The following NETO2 variants were observed in gnomAD, a reference collection of about 807,000 sequenced individuals.
NETO2 encodes the protein neuropilin and tolloid like 2.
A neutral mutation model predicts 62.5 loss-of-function variants in NETO2; 28 were observed. The ratio of observed to expected loss-of-function variants is 0.45; its 90% CI spans 0.33 to 0.61. The LOEUF (loss-of-function observed/expected upper bound fraction) is 0.61, where lower values mean the gene tolerates loss of function less well. Among genes scored for constraint, NETO2 ranks in the 20% least tolerant of loss-of-function variants. NETO2 has a pLI of 0.02. For missense variants in NETO2, 548 were observed against 643.2 expected, an observed-to-expected ratio of 0.85 and a Z score of 1.60; for synonymous variants, 214 against 219.1, an observed-to-expected ratio of 0.98 and a Z score of 0.21.
chr16:47,142,923 G>T (rs1964489340), intron 1 of NETO2, among the ~76,000 whole-genome samples: 1 of 152,048 alleles, frequency 6.6e-6, no homozygotes, highest in Non-Finnish European at 1.5e-5. Context: ...GGAGCGCGAG[G>T]AGCGCCGCGT....
At chr16:47,086,101 G>A (rs550386936) in intron 8 of NETO2, 125 bp downstream of exon 8, 16 of 703,628 alleles carry the variant, frequency 2.3e-5, no homozygotes, top group South Asian at 7.6e-5. Context: ...GCAGGACTCC[G>A]TCTCAAACAA....
At chr16:47,114,697 G>A (rs1463238500) in intron 6 of NETO2, among the ~76,000 whole-genome samples, 2 of 151,596 alleles carry the variant, frequency 1.3e-5, no homozygotes, top group Admixed American at 6.6e-5. Context: ...AGATCCGCCC[G>A]CCTCAGCCTC....
At chr16:47,132,288 A>C (rs1383522907) in intron 1 of NETO2, among the ~76,000 whole-genome samples, 1 of 151,942 alleles carries the variant, frequency 6.6e-6, no homozygotes, top group East Asian at 1.9e-4. Flanking sequence ...TTTTCAACTT[A>C]ATAGTTTTGT....
chr16:47,118,329 TG>T (rs1963964182), intron 6 of NETO2, among the ~76,000 whole-genome samples: 1 of 152,204 alleles, frequency 6.6e-6, no homozygotes, highest in African/African-American at 2.4e-5. Context: ...CACGTTTCCC[TG>T]GATCTGTTCC....
chr16:47,133,764 G>T (rs895727791), intron 1 of NETO2, among the ~76,000 whole-genome samples: 1 of 152,182 alleles, frequency 6.6e-6, no homozygotes, highest in African/African-American at 2.4e-5. Flanking sequence ...TAGTAGGTTA[G>T]AGAAAAGTTG....
At chr16:47,105,488 A>G (rs1001737048) in intron 7 of NETO2, among the ~76,000 whole-genome samples, 5 of 152,188 alleles carry the variant, frequency 3.3e-5, no homozygotes, top group African/African-American at 1.2e-4. Flanking sequence ...AACCCACATT[A>G]ATTTGGGCTT....
intron 7 of NETO2, among the ~76,000 whole-genome samples, chr16:47,103,488 G>C (rs1330683423): frequency 1.4e-4 from 21 of 151,980 alleles, no homozygotes; most frequent in Non-Finnish European, 2.1e-4. Flanking sequence ...AAAAGTTGAA[G>C]AACAAACACT....
At chr16:47,128,244 A>C (rs1253549897) in intron 4 of NETO2, 81 bp downstream of exon 4, 1 of 1,484,240 alleles carries the variant, frequency 6.7e-7, no homozygotes, top group Non-Finnish European at 9.0e-7. Context: ...TGACCAAATT[A>C]ATCTCTTTTC....
At chr16:47,098,918 C>G (rs1043489277) in intron 7 of NETO2, among the ~76,000 whole-genome samples, 3 of 152,154 alleles carry the variant, frequency 2.0e-5, no homozygotes, top group Non-Finnish European at 4.4e-5. Context: ...CGCTCTGTCA[C>G]AATCTAGGCT....
In NETO2 at chr16:47,083,322, C is replaced by G. The variant is rs375544263; in HGVS notation, c.1477G>C (p.Glu493Gln). ...ATTACTCGGTCTTCCAGGGCCTGCT[C>G]AGGGCACTCATGTCCCTGTTTGAAA... is the stretch of plus-strand genomic sequence containing the variant. ...YTFKQGHECP[E>Q]QALEDRVMEE... The change falls in exon 9 of 9, where the codon GAG (glutamate) becomes CAG (glutamine). Residue 493 changes from glutamate (E) to glutamine (Q), a missense_variant. Coordinates refer to ENST00000562435, the MANE Select transcript of NETO2 (RefSeq NM_018092.5). 12 of 1,614,096 alleles carry G rather than the reference C, an allele frequency of 7.4e-6. No individual in the cohort carries two copies. Among genetic ancestry groups the G allele is most frequent in the Non-Finnish European group, 1.0e-5 (12 of 1,180,054 alleles).
intron 1 of NETO2, among the ~76,000 whole-genome samples, chr16:47,133,942 G>C (rs932194370): frequency 2.0e-5 from 3 of 152,198 alleles, no homozygotes; most frequent in African/African-American, 7.2e-5. Flanking sequence ...TTAATGAGAA[G>C]AGAGAAGATT....
chr16:47,143,312 C>T (rs1190070960), intron 1 of NETO2, among the ~76,000 whole-genome samples: 1 of 152,040 alleles, frequency 6.6e-6, no homozygotes, highest in Non-Finnish European at 1.5e-5. Flanking sequence ...GGCCTCCTGG[C>T]CGCCTTCCCG....
chr16:47,082,228 T>C lies in NETO2; in HGVS notation c.*993A>G, dbSNP rs933541874. On this transcript the variant is annotated 3_prime_UTR_variant, in exon 9 of 9. Transcript: ENST00000562435. Reference sequence around the variant, plus strand: ...AGAAGCAATCTCAAGGCTCATCCAATTTCTAAGGAATTTTAACTGGCATCT... The same window carrying C: ...AGAAGCAATCTCAAGGCTCATCCAACTTCTAAGGAATTTTAACTGGCATCT... The C allele has an allele frequency of 6.6e-6, 1 of 152,630 alleles. No individual in the cohort carries two copies. The highest frequency in any genetic ancestry group is 1.5e-5 in the Non-Finnish European group (1 of 68,026). The allele number at this position is 152,630 out of a possible 1,614,324, so 9.5% of individuals were successfully genotyped here.
rs1413502547 is a variant in NETO2 at position 47,080,924 on chromosome 16, TAGC to T, written c.*2294_*2296del. 1.3e-5 allele frequency: 2 copies of T among 152,240 alleles called. No individual in the cohort carries two copies. Among genetic ancestry groups the T allele is most frequent in the Non-Finnish European group, 2.9e-5 (2 of 68,036 alleles). The allele number at this position is 152,240 out of a possible 1,614,324, so 9.4% of individuals were successfully genotyped here. A position where few individuals can be genotyped will look rare whatever the true frequency, so the allele number is the denominator to read the frequency against. ...TTACTGTGAAAAGCAAAAAGTGTTT[TAGC>T]AGCCAGAAAATTCAGAACCAAACTT... is the stretch of plus-strand genomic sequence containing the variant. On this transcript the variant is annotated 3_prime_UTR_variant, in exon 9 of 9. Coordinates refer to ENST00000562435, the MANE Select transcript of NETO2 (RefSeq NM_018092.5).
intron 7 of NETO2, among the ~76,000 whole-genome samples, chr16:47,095,224 A>T (rs1384778058): frequency 1.3e-5 from 2 of 152,198 alleles, no homozygotes; most frequent in African/African-American, 4.8e-5. Context: ...CACAAAAGGA[A>T]ATGCGAAGGG....
At chr16:47,115,813 C>T (rs1268831086) in intron 6 of NETO2, among the ~76,000 whole-genome samples, 1 of 149,942 alleles carries the variant, frequency 6.7e-6, no homozygotes, top group Non-Finnish European at 1.5e-5. Context: ...TCAAGCAATC[C>T]ACCTGCCTTG....
chr16:47,081,017 G>GTCTT lies in NETO2; in HGVS notation c.*2200_*2203dup, dbSNP rs1319941833. 2.6e-5 allele frequency: 4 copies of GTCTT among 152,058 alleles called. No individual in the cohort carries two copies. Among genetic ancestry groups the GTCTT allele is most frequent in the Non-Finnish European group, 5.9e-5 (4 of 67,968 alleles). The allele number at this position is 152,058 out of a possible 1,614,324, so 9.4% of individuals were successfully genotyped here. A position where few individuals can be genotyped will look rare whatever the true frequency, so the allele number is the denominator to read the frequency against. On this transcript the variant is annotated 3_prime_UTR_variant, in exon 9 of 9. Transcript: ENST00000562435. Reference sequence around the variant, plus strand: ...CTGTGTACTTCTATTTTACTGTTATGTCTTCTTTAAAGGCTCTGTATTTTG... The same window carrying GTCTT: ...CTGTGTACTTCTATTTTACTGTTATGTCTTTCTTCTTTAAAGGCTCTGTATTTTG...
intron 2 of NETO2, among the ~76,000 whole-genome samples, chr16:47,131,259 T>C (rs1359725384): frequency 6.6e-6 from 1 of 152,096 alleles, no homozygotes; most frequent in East Asian, 1.9e-4. Flanking sequence ...AGCTAAATTC[T>C]CATCTTCCAC....
At chr16:47,091,749 A>G (rs934626316) in intron 7 of NETO2, among the ~76,000 whole-genome samples, 2 of 152,220 alleles carry the variant, frequency 1.3e-5, no homozygotes, top group Non-Finnish European at 2.9e-5. Flanking sequence ...TGCAAAGCAG[A>G]GGGTGCCTAT....
Sources: allele counts gnomAD v4.1 joint callset (sites outside exome capture counted in the v4.1 genomes callset), GRCh38; gene constraint gnomAD v4.1.1; transcripts MANE v1.5; gene names NCBI Gene and HGNC (gene_info 2026-07-23, HGNC 2026-07-21).